CSMD1: variants seen among roughly 807,000 people sequenced by gnomAD.
CSMD1 encodes CUB and sushi domain-containing protein 1.
A neutral mutation model predicts 417.5 loss-of-function variants in CSMD1; 213 were observed. The ratio of observed to expected loss-of-function variants is 0.51; its 90% confidence interval spans 0.46 to 0.57. The LOEUF is 0.57. Ranked by LOEUF, CSMD1 falls within the 20% of genes least tolerant of loss-of-function variation. The pLI is 0.00. For missense variants in CSMD1, 6,923 were observed against 4,529.7 expected (o/e 1.53, Z -15.17); for synonymous variants, 2,862 against 1,736.8 (o/e 1.65, Z -16.11).
chr8:3,819,468 A>G (rs541177326), intron 5 of CSMD1, among the ~76,000 whole-genome samples: 63 of 152,038 alleles, frequency 4.1e-4, no homozygotes, highest in African/African-American at 1.5e-3. Context: ...TTCACCTTCA[A>G]TCGTCGGTGG....
At chr8:3,184,688 T>C (rs893459045) in intron 36 of CSMD1, among the ~76,000 whole-genome samples, 1 of 152,232 alleles carries the variant, frequency 6.6e-6, no homozygotes, top group East Asian at 1.9e-4. Flanking sequence ...TCCTGATCTA[T>C]ACTGTGCTTT....
At chr8:4,117,810 A>T (rs1002143032) in intron 3 of CSMD1, among the ~76,000 whole-genome samples, 8 of 152,262 alleles carry the variant, frequency 5.3e-5, no homozygotes, top group Admixed American at 4.6e-4. Flanking sequence ...CGTATCCTAG[A>T]GGACACCTAG....
At chr8:3,892,852 C>T (rs77982908) in intron 5 of CSMD1, among the ~76,000 whole-genome samples, 3,218 of 151,462 alleles carry the variant, frequency 0.021, 53 homozygotes, top group Non-Finnish European at 0.033. Flanking sequence ...ATGTGTTCCA[C>T]GGGCCAGACA....
chr8:4,198,265 C>T (rs931908106), intron 3 of CSMD1, among the ~76,000 whole-genome samples: 1 of 152,346 alleles, frequency 6.6e-6, no homozygotes, highest in East Asian at 1.9e-4. Context: ...CTCATTATTA[C>T]AGAAGCACAG....
At chr8:4,734,329 C>T (rs1394530294) in intron 1 of CSMD1, among the ~76,000 whole-genome samples, 1 of 151,984 alleles carries the variant, frequency 6.6e-6, no homozygotes, top group Non-Finnish European at 1.5e-5. Flanking sequence ...ATGTGAATTT[C>T]ACAGTATAGC....
chr8:4,045,472 G>A (rs1301756266), intron 3 of CSMD1, among the ~76,000 whole-genome samples: 5 of 152,216 alleles, frequency 3.3e-5, no homozygotes, highest in Admixed American at 6.5e-5. Context: ...TGGTGCTGGG[G>A]TCAGAACACT....
Position 3,414,212 on chromosome 8 carries a change from C to CAAAAAAAAAAAAAAA in CSMD1, c.1562-4622_1562-4608dup, listed in dbSNP as rs1161625328. ...AATTCAAAGACTGATGCACCTAAAG[C>CAAAAAAAAAAAAAAA]AAAAAAAAAAAAAAAAAAAAAAAAA... On this transcript the variant is annotated intron_variant, in intron 12 of 69. Coordinates refer to ENST00000635120, the MANE Select transcript of CSMD1 (RefSeq NM_033225.6). Among the ~76,000 whole-genome samples the CAAAAAAAAAAAAAAA allele has an allele frequency of 2.2e-4, 11 of 49,738 alleles. 4 individuals are homozygous for CAAAAAAAAAAAAAAA. The highest frequency in any genetic ancestry group is 1.2e-3 in the South Asian group (1 of 834). 32.6% of individuals were successfully genotyped at this position (49,738 alleles called of 152,430 possible).
intron 3 of CSMD1, among the ~76,000 whole-genome samples, chr8:4,331,391 A>C (rs993990345): frequency 2.0e-5 from 3 of 152,136 alleles, no homozygotes; most frequent in Non-Finnish European, 4.4e-5. Flanking sequence ...CGAGGTGTCT[A>C]CAGTTTTTCA....
chr8:4,691,406 G>A (rs1216176936), intron 1 of CSMD1, among the ~76,000 whole-genome samples: 1 of 152,128 alleles, frequency 6.6e-6, no homozygotes, highest in Non-Finnish European at 1.5e-5. Flanking sequence ...CCACCTTCTT[G>A]CAACATATTG....
intron 1 of CSMD1, among the ~76,000 whole-genome samples, chr8:4,942,897 T>C (rs12056858): frequency 0.25 from 37,294 of 152,166 alleles, 4,694 homozygotes; most frequent in East Asian, 0.39. Context: ...TTTGGAAAGA[T>C]ATAAACATTG....
At chr8:4,261,258 G>C (rs557704451) in intron 3 of CSMD1, among the ~76,000 whole-genome samples, 1 of 152,098 alleles carries the variant, frequency 6.6e-6, no homozygotes, top group East Asian at 1.9e-4. Flanking sequence ...CAAAAAGAAC[G>C]CCTGTTTTCT....
intron 3 of CSMD1, among the ~76,000 whole-genome samples, chr8:4,330,485 G>C (rs1426302159): frequency 6.6e-6 from 1 of 151,876 alleles, no homozygotes; most frequent in Admixed American, 6.6e-5. Flanking sequence ...AGCTACTTAG[G>C]AGGCTGAGAC....
intron 41 of CSMD1, among the ~76,000 whole-genome samples, chr8:3,136,745 G>C (rs768966237): frequency 1.3e-5 from 2 of 152,142 alleles, no homozygotes; most frequent in African/African-American, 4.8e-5. Context: ...TTTCCTGAAA[G>C]TAACTGTGAA....
At chr8:4,154,353 C>A (rs1457909898) in intron 3 of CSMD1, among the ~76,000 whole-genome samples, 4 of 152,184 alleles carry the variant, frequency 2.6e-5, no homozygotes, top group Non-Finnish European at 5.9e-5. Flanking sequence ...TTCAGTCAAG[C>A]AAATGTCCAT....
chr8:3,084,949 A>T (rs866331706), intron 49 of CSMD1, among the ~76,000 whole-genome samples: 3 of 151,776 alleles, frequency 2.0e-5, no homozygotes, highest in South Asian at 2.1e-4. Context: ...ATAATTTTAT[A>T]TTATAATTAA....
Position 3,753,915 on chromosome 8 carries a change from A to G in CSMD1, c.931+15T>C. The G allele has an allele frequency of 6.5e-7, 1 of 1,540,694 alleles. No individual in the cohort carries two copies. ...CTCTGTTTTTTTTTTTTCTTATAAG[A>G]TGGAGCATCCTTACCTTGGAACTGA... On this transcript the variant is annotated intron_variant, in intron 6 of 69. Coordinates refer to ENST00000635120, the MANE Select transcript of CSMD1 (RefSeq NM_033225.6).
chr8:3,797,944 G>C (rs1002130007), intron 5 of CSMD1, among the ~76,000 whole-genome samples: 1 of 151,906 alleles, frequency 6.6e-6, no homozygotes, highest in African/African-American at 2.4e-5. Flanking sequence ...AATTTTAGCT[G>C]TTCTCATAAC....
At chr8:3,870,998 G>C (rs1199100446) in intron 5 of CSMD1, among the ~76,000 whole-genome samples, 1 of 151,420 alleles carries the variant, frequency 6.6e-6, no homozygotes, top group South Asian at 2.1e-4. Context: ...CTCATTCAAT[G>C]TGTTATAATT....
chr8:4,353,550 A>G (rs1484544862), intron 3 of CSMD1, among the ~76,000 whole-genome samples: 1 of 152,056 alleles, frequency 6.6e-6, no homozygotes, highest in African/African-American at 2.4e-5. Context: ...TTCCTAGGAA[A>G]TATACTAGAT....
Sources: gnomAD v4.1 joint callset for allele counts (sites outside exome capture counted in the v4.1 genomes callset) on GRCh38, gnomAD v4.1.1 for gene constraint, MANE v1.5 for transcripts, NCBI Gene and HGNC (gene_info 2026-07-23, HGNC 2026-07-21) for gene names.